The following PDE1A variants were observed in gnomAD, a reference collection of about 807,000 sequenced individuals.
PDE1A encodes the protein dual specificity calcium/calmodulin-dependent 3',5'-cyclic nucleotide phosphodiesterase 1A.
Under a neutral mutation model 61.7 loss-of-function variants are expected in PDE1A, and 35 were observed. That is an observed-to-expected ratio of 0.57 (90% CI 0.43 to 0.75). PDE1A has a LOEUF of 0.75. PDE1A is among the 30% of genes least tolerant of loss of function. The pLI, the probability that PDE1A is intolerant of heterozygous loss-of-function variation, is 0.00. For missense variants in PDE1A, 597 were observed against 630.6 expected (o/e 0.95, Z 0.57); for synonymous variants, 232 against 213.2 (o/e 1.09, Z -0.77).
intron 2 of PDE1A, among the ~76,000 whole-genome samples, chr2:182,256,038 C>CTTTTTTTTTTTTTTTTT (rs755211798): frequency 1.1e-4 from 10 of 92,314 alleles, no homozygotes; most frequent in Admixed American, 1.2e-4. Context: ...AGGATGACTT[C>CTTTTTTTTTTTTTTTTT]TTTTTTTTTT....
At chr2:182,402,738 G>A (rs186002924) in intron 1 of PDE1A, among the ~76,000 whole-genome samples, 261 of 152,246 alleles carry the variant, frequency 1.7e-3, no homozygotes, top group African/African-American at 5.9e-3. Flanking sequence ...GAGTGAACAG[G>A]CAACCTACAG....
At chr2:182,411,444 T>C (rs1305943075) in intron 1 of PDE1A, among the ~76,000 whole-genome samples, 1 of 152,210 alleles carries the variant, frequency 6.6e-6, no homozygotes, top group African/African-American at 2.4e-5. Context: ...GAGGTTATTA[T>C]GAATAGTGCC....
intron 1 of PDE1A, among the ~76,000 whole-genome samples, chr2:182,335,809 C>T (rs555365276): frequency 3.0e-4 from 46 of 152,230 alleles, no homozygotes; most frequent in African/African-American, 1.0e-3. Context: ...GCAAAAGAAA[C>T]TATCATCAGC....
At chr2:182,283,725 A>G (rs1207739065) in intron 1 of PDE1A, among the ~76,000 whole-genome samples, 1 of 152,102 alleles carries the variant, frequency 6.6e-6, no homozygotes, top group Non-Finnish European at 1.5e-5. Context: ...ATTTGAAAAC[A>G]AAAGACAAAG....
chr2:182,540,615 TTAAG>T, the PDE1A span, among the ~76,000 whole-genome samples: 3 of 152,130 alleles, frequency 2.0e-5, no homozygotes. Context: ...TTAAAAATTT[TTAAG>T]TTAGTTATTT....
the PDE1A span, among the ~76,000 whole-genome samples, chr2:182,573,265 A>C: frequency 6.6e-6 from 1 of 152,190 alleles, no homozygotes; most frequent in African/African-American, 2.4e-5. Context: ...GGTGTAAAAT[A>C]TAAAGACATC....
intron 2 of PDE1A, among the ~76,000 whole-genome samples, chr2:182,242,582 T>C (rs949897091): frequency 6.6e-6 from 1 of 152,226 alleles, no homozygotes; most frequent in African/African-American, 2.4e-5. Flanking sequence ...TGTGAAAGTA[T>C]TTTTTAGATG....
intron 1 of PDE1A, among the ~76,000 whole-genome samples, chr2:182,384,892 C>G (rs1162798850): frequency 6.6e-6 from 1 of 151,892 alleles, no homozygotes; most frequent in Non-Finnish European, 1.5e-5. Context: ...GTCAAAAACT[C>G]AAAGACAAGG....
At chr2:182,254,581 G>T (rs1691638826) in intron 2 of PDE1A, among the ~76,000 whole-genome samples, 1 of 152,138 alleles carries the variant, frequency 6.6e-6, no homozygotes, top group South Asian at 2.1e-4. Context: ...TTTACAGGGG[G>T]ACTTTGGAAC....
intron 1 of PDE1A, among the ~76,000 whole-genome samples, chr2:182,396,431 T>A (rs1465329857): frequency 6.6e-6 from 1 of 152,184 alleles, no homozygotes; most frequent in Non-Finnish European, 1.5e-5. Context: ...GGAAGAAGCA[T>A]GATTGGAAAA....
At chr2:182,653,673 C>T in the PDE1A span, among the ~76,000 whole-genome samples, 1 of 152,114 alleles carries the variant, frequency 6.6e-6, no homozygotes, top group Non-Finnish European at 1.5e-5. Flanking sequence ...AATCAACTTG[C>T]CATCAAGTGA....
At chr2:182,241,859 CT>C in intron 2 of PDE1A, 1 of 1,549,078 alleles carries the variant, frequency 6.5e-7, no homozygotes, top group East Asian at 2.3e-5. Context: ...TGATTTACCC[CT>C]AAAACACTGA....
At chr2:182,413,252 G>T (rs1287940501) in intron 1 of PDE1A, among the ~76,000 whole-genome samples, 1 of 152,170 alleles carries the variant, frequency 6.6e-6, no homozygotes, top group Non-Finnish European at 1.5e-5. Flanking sequence ...AATTACAAAT[G>T]AAAGGAGTGA....
At chr2:182,704,129 C>G in the PDE1A span, among the ~76,000 whole-genome samples, 1 of 146,726 alleles carries the variant, frequency 6.8e-6, no homozygotes, top group East Asian at 2.1e-4. Flanking sequence ...GAGAATTGCT[C>G]GAATCCGGGG....
the PDE1A span, among the ~76,000 whole-genome samples, chr2:182,535,884 T>C: frequency 3.3e-5 from 5 of 152,322 alleles, no homozygotes; most frequent in African/African-American, 1.2e-4. Context: ...TTCTTGGCTT[T>C]AGAAAATTGC....
At chr2:182,359,867 T>C (rs1699400333) in intron 1 of PDE1A, among the ~76,000 whole-genome samples, 1 of 152,066 alleles carries the variant, frequency 6.6e-6, no homozygotes, top group Admixed American at 6.6e-5. Flanking sequence ...AGGCTTATCT[T>C]GAGATTGCCA....
Position 182,295,057 on chromosome 2 carries a change from C to T in PDE1A, c.54-30643G>A, listed in dbSNP as rs1014513679. Among the ~76,000 whole-genome samples, 472 of 58,570 alleles carry T rather than the reference C, an allele frequency of 8.1e-3. 1 individual carries two copies. Among genetic ancestry groups the T allele is most frequent in the South Asian group, 0.024 (27 of 1,138 alleles). The allele number at this position is 58,570 out of a possible 152,430, so 38.4% of individuals were successfully genotyped here. A position where few individuals can be genotyped will look rare whatever the true frequency, so the allele number is the denominator to read the frequency against. Reference sequence around the variant, plus strand: ...ACGACCAATCAAAATAAAAGGTAATCTTTTTTTTTTTTTTTTTTTTTTTTT... The same window carrying T: ...ACGACCAATCAAAATAAAAGGTAATTTTTTTTTTTTTTTTTTTTTTTTTTT... On this transcript the variant is annotated intron_variant, in intron 1 of 13. Transcript: ENST00000351439.
intron 1 of PDE1A, among the ~76,000 whole-genome samples, chr2:182,395,924 C>G (rs1701677930): frequency 6.6e-6 from 1 of 152,162 alleles, no homozygotes; most frequent in Non-Finnish European, 1.5e-5. Flanking sequence ...CACCATGAGA[C>G]CTGAACTTCC....
At chr2:182,218,712 A>G (rs1382681604) in intron 7 of PDE1A, among the ~76,000 whole-genome samples, 2 of 152,100 alleles carry the variant, frequency 1.3e-5, no homozygotes, top group Non-Finnish European at 2.9e-5. Flanking sequence ...GCATTTATTG[A>G]TAAGATCATG....
Sources: allele counts gnomAD v4.1 joint callset (sites outside exome capture counted in the v4.1 genomes callset), GRCh38; gene constraint gnomAD v4.1.1; transcripts MANE v1.5; gene names NCBI Gene and HGNC (gene_info 2026-07-23, HGNC 2026-07-21).